Variants in RGS6 observed in about 807,000 individuals in gnomAD.
The protein encoded by RGS6 is regulator of G-protein signaling 6.
Under a neutral mutation model 78.5 loss-of-function variants are expected in RGS6, and 30 were observed. That is an observed-to-expected ratio of 0.38 (90% CI 0.29 to 0.52). The LOEUF is 0.52. RGS6 is among the 20% of genes least tolerant of loss of function. RGS6 has a pLI of 0.85. For synonymous variants in RGS6, 206 were observed against 206.0 expected, an observed-to-expected ratio of 1.00 and a Z score of 0.00; for missense variants, 495 against 609.7, an observed-to-expected ratio of 0.81 and a Z score of 1.98.
At chr14:72,489,313 C>T (rs1214162282) in intron 12 of RGS6, among the ~76,000 whole-genome samples, 1 of 152,228 alleles carries the variant, frequency 6.6e-6, no homozygotes, top group Non-Finnish European at 1.5e-5. Context: ...TTTCGGTTTT[C>T]TGCTGCTGGC....
At chr14:71,973,339 C>T (rs993588782) in intron 2 of RGS6, among the ~76,000 whole-genome samples, 1 of 150,052 alleles carries the variant, frequency 6.7e-6, no homozygotes, top group African/African-American at 2.4e-5. Context: ...GGCTTTTGGT[C>T]TTCAGCACTT....
intron 4 of RGS6, among the ~76,000 whole-genome samples, chr14:72,456,522 T>C (rs769862205): frequency 1.3e-5 from 2 of 152,214 alleles, no homozygotes; most frequent in Non-Finnish European, 2.9e-5. Context: ...CTTGAACTCC[T>C]GACCTCAAAC....
Position 71,987,698 on chromosome 14 carries a change from T to C in RGS6, c.84+22823T>C, listed in dbSNP as rs1020488880. 3.3e-5 allele frequency among the ~76,000 whole-genome samples: 5 copies of C among 152,118 alleles called. No homozygotes were observed. In the East Asian group the frequency reaches 7.8e-4, roughly 24 times the overall value. On this transcript the variant is annotated intron_variant, in intron 2 of 17. Transcript: ENST00000553525. ...CCACACCTGGCTAATTTTTAAACTTTTTTGTAGAGACAGGGTCTCACTGTG... is the reference window on the plus strand; with the variant it reads ...CCACACCTGGCTAATTTTTAAACTTCTTTGTAGAGACAGGGTCTCACTGTG...
chr14:72,595,302 A>C, the RGS6 span, among the ~76,000 whole-genome samples: 1 of 152,092 alleles, frequency 6.6e-6, no homozygotes, highest in Non-Finnish European at 1.5e-5. Flanking sequence ...GTATTTTTCT[A>C]TCTATATTAA....
At chr14:72,125,234 A>C (rs1309394849) in intron 2 of RGS6, among the ~76,000 whole-genome samples, 1 of 152,162 alleles carries the variant, frequency 6.6e-6, no homozygotes, top group Admixed American at 6.5e-5. Context: ...TTTACCACCT[A>C]TCCAGGTGCC....
At chr14:71,963,115 A>G (rs1017676078) in intron 1 of RGS6, among the ~76,000 whole-genome samples, 1 of 152,200 alleles carries the variant, frequency 6.6e-6, no homozygotes, top group South Asian at 2.1e-4. Flanking sequence ...GCTGAGGACA[A>G]TGTAGAGGAA....
At chr14:72,056,202 CCCAGAGA>C (rs2093610792) in intron 2 of RGS6, among the ~76,000 whole-genome samples, 1 of 152,136 alleles carries the variant, frequency 6.6e-6, no homozygotes, top group South Asian at 2.1e-4. Context: ...GGATGTGAAG[CCCAGAGA>C]AGTTAAGAAG....
At chr14:72,494,511 A>G (rs1166043499) in intron 12 of RGS6, among the ~76,000 whole-genome samples, 4 of 152,208 alleles carry the variant, frequency 2.6e-5, no homozygotes, top group Admixed American at 1.3e-4. Context: ...TTTTTAGTAT[A>G]TATAATCATT....
At chr14:72,038,835 A>C (rs1338812123) in intron 2 of RGS6, among the ~76,000 whole-genome samples, 1 of 152,198 alleles carries the variant, frequency 6.6e-6, no homozygotes, top group East Asian at 1.9e-4. Flanking sequence ...TTTTTCATGT[A>C]AACAATAATT....
chr14:72,254,560 G>A (rs140040638), intron 2 of RGS6, among the ~76,000 whole-genome samples: 89 of 152,180 alleles, frequency 5.8e-4, no homozygotes, highest in African/African-American at 2.0e-3. Flanking sequence ...ATGTTGAACA[G>A]CAGCCTTAAA....
intron 12 of RGS6, 76 bp downstream of exon 12, chr14:72,478,405 G>T: frequency 9.3e-7 from 1 of 1,079,080 alleles, no homozygotes; most frequent in South Asian, 1.3e-5. Context: ...TATGGTTAAC[G>T]AATGTGTTCA....
chr14:72,168,785 C>T (rs2096966622), intron 2 of RGS6, among the ~76,000 whole-genome samples: 1 of 152,140 alleles, frequency 6.6e-6, no homozygotes, highest in Non-Finnish European at 1.5e-5. Flanking sequence ...TACCTTGGAC[C>T]CCTTGCCCTG....
intron 3 of RGS6, among the ~76,000 whole-genome samples, chr14:72,356,847 C>CT (rs2080402474): frequency 6.6e-6 from 1 of 152,232 alleles, no homozygotes; most frequent in Non-Finnish European, 1.5e-5. Context: ...CCGTGCTGAA[C>CT]TGTGAGTCAA....
At chr14:72,516,930 A>G (rs1421406268) in intron 14 of RGS6, 1 of 152,226 alleles carries the variant, frequency 6.6e-6, no homozygotes, top group African/African-American at 2.4e-5. Context: ...TAAGGAGATC[A>G]TCAGAATCCT....
chr14:72,432,427 C>T (rs961163804), intron 3 of RGS6, among the ~76,000 whole-genome samples: 1 of 152,278 alleles, frequency 6.6e-6, no homozygotes. Flanking sequence ...GGAGTAAAGA[C>T]GTGTCCCAAG....
chr14:71,870,324 G>A, the RGS6 span, among the ~76,000 whole-genome samples: 26 of 152,290 alleles, frequency 1.7e-4, no homozygotes, highest in African/African-American at 6.0e-4. Flanking sequence ...AAATAGAAAG[G>A]AAGAGTCTTC....
the RGS6 span, among the ~76,000 whole-genome samples, chr14:71,900,004 C>T: frequency 6.6e-6 from 1 of 152,202 alleles, no homozygotes; most frequent in South Asian, 2.1e-4. Flanking sequence ...GTCCTGTTAA[C>T]TATTTCTTCA....
rs775430908 is a variant in RGS6 at position 72,235,461 on chromosome 14, A to T, written c.85-116634A>T. On this transcript the variant is annotated intron_variant, in intron 2 of 17. Coordinates refer to ENST00000553525, the MANE Select transcript of RGS6 (RefSeq NM_001204424.2). ...GCATAATTGAAATAAACTTTAATGA[A>T]CAATTTGTCCTGTTTTAAATATCTT... 4.5e-4 allele frequency among the ~76,000 whole-genome samples: 68 copies of T among 152,208 alleles called. 1 individual carries two copies. The highest frequency in any genetic ancestry group is 6.5e-4 in the Admixed American group (10 of 15,280).
chr14:72,456,129 G>T (rs899174697), intron 4 of RGS6, among the ~76,000 whole-genome samples: 1 of 152,134 alleles, frequency 6.6e-6, no homozygotes, highest in Non-Finnish European at 1.5e-5. Context: ...TGGTATAGGG[G>T]CCTGTTTGGG....
Sources: gnomAD v4.1 joint callset for allele counts (sites outside exome capture counted in the v4.1 genomes callset) on GRCh38, gnomAD v4.1.1 for gene constraint, MANE v1.5 for transcripts, NCBI Gene and HGNC (gene_info 2026-07-23, HGNC 2026-07-21) for gene names.